Variants in DHRSX observed in about 807,000 individuals in gnomAD.
The protein encoded by DHRSX is polyprenol dehydrogenase.
DHRSX carries 31 observed loss-of-function variants against 34.0 expected under a neutral mutation model. That is an observed-to-expected ratio of 0.91 (90% CI 0.69 to 1.23). The LOEUF is 1.23. Among genes scored for constraint, DHRSX ranks in the 50% most tolerant of loss-of-function variants. The pLI, the probability that DHRSX is intolerant of heterozygous loss-of-function variation, is 0.00. For missense variants in DHRSX, 414 were observed against 428.1 expected (o/e 0.97, Z 0.29); for synonymous variants, 201 against 183.8 (o/e 1.09, Z -0.76).
chrX:2,421,770 G>A (rs1383154104), intron 2 of DHRSX, among the ~76,000 whole-genome samples: 2 of 152,208 alleles, frequency 1.3e-5, no homozygotes, highest in Non-Finnish European at 2.9e-5. Flanking sequence ...GGCTCAGAAC[G>A]CTAGCAGCTA....
chrX:2,485,736 G>C (rs1258131005), intron 1 of DHRSX, among the ~76,000 whole-genome samples: 1 of 77,006 alleles, frequency 1.3e-5, no homozygotes, highest in African/African-American at 6.9e-5. Flanking sequence ...AGGGAGAAAA[G>C]GGAGAGAAGG....
intron 1 of DHRSX, among the ~76,000 whole-genome samples, chrX:2,436,707 G>A (rs1180154192): frequency 6.6e-6 from 1 of 151,150 alleles, no homozygotes; most frequent in Non-Finnish European, 1.5e-5. Context: ...CCATTGTTCA[G>A]GCTGATCTCA....
intron 3 of DHRSX, among the ~76,000 whole-genome samples, chrX:2,327,908 A>G (rs2042406949): frequency 2.0e-5 from 3 of 152,032 alleles, no homozygotes; most frequent in South Asian, 4.2e-4. Context: ...GTGAAACTCC[A>G]TCTCTACTAA....
At chrX:2,238,349 C>T (rs2016063806) in intron 6 of DHRSX, among the ~76,000 whole-genome samples, 2 of 152,046 alleles carry the variant, frequency 1.3e-5, no homozygotes, top group Admixed American at 6.6e-5. Context: ...AGGGCGAGAC[C>T]CCATCTCAAA....
At chrX:2,427,793 T>A (rs2043868070) in intron 1 of DHRSX, among the ~76,000 whole-genome samples, 1 of 152,202 alleles carries the variant, frequency 6.6e-6, no homozygotes, top group Non-Finnish European at 1.5e-5. Flanking sequence ...ATGATCTTTT[T>A]CAAGTTAGGA....
At chrX:2,410,653 A>G (rs2124638612) in intron 2 of DHRSX, among the ~76,000 whole-genome samples, 1 of 152,346 alleles carries the variant, frequency 6.6e-6, no homozygotes, top group African/African-American at 2.4e-5. Flanking sequence ...TGTTAAGGCC[A>G]TGGGCTCCCA....
In DHRSX at chrX:2,220,718, T is replaced by G. The variant is rs2015501579; in HGVS notation, c.*323A>C. The G allele has an allele frequency of 3.1e-6, 1 of 324,786 alleles. No homozygotes were observed. The highest frequency in any genetic ancestry group is 5.6e-6 in the Non-Finnish European group (1 of 178,344). 20.1% of individuals were successfully genotyped at this position (324,786 alleles called of 1,614,324 possible). ...GAAAAGAGAGCATCTCTCTTGGAACTTTTGTACTCAGTTGTATTAACGCGG... is the reference window on the plus strand; with the variant it reads ...GAAAAGAGAGCATCTCTCTTGGAACGTTTGTACTCAGTTGTATTAACGCGG... On this transcript the variant is annotated 3_prime_UTR_variant, in exon 7 of 7. Transcript: ENST00000334651.
chrX:2,383,316 T>A (rs1304239547), intron 3 of DHRSX, among the ~76,000 whole-genome samples: 1 of 150,924 alleles, frequency 6.6e-6, no homozygotes, highest in Non-Finnish European at 1.5e-5. Flanking sequence ...ATAAACACCA[T>A]CATCACCATC....
chrX:2,288,043 T>C (rs779423736), intron 4 of DHRSX, among the ~76,000 whole-genome samples: 249 of 152,222 alleles, frequency 1.6e-3, no homozygotes, highest in African/African-American at 5.9e-3. Context: ...GAGGTGATTA[T>C]CTGAGATGAT....
chrX:2,468,962 A>G (rs6567559), intron 1 of DHRSX, among the ~76,000 whole-genome samples: 114,903 of 151,358 alleles, frequency 0.76, 44,586 homozygotes, highest in African/African-American at 0.94. Context: ...AGGGACCACC[A>G]CCATGTACAC....
At chrX:2,449,138 A>G (rs28430422) in intron 1 of DHRSX, among the ~76,000 whole-genome samples, 95,135 of 151,354 alleles carry the variant, frequency 0.63, 31,556 homozygotes, top group African/African-American at 0.85. Flanking sequence ...GCAGTGAGCT[A>G]AGATCGCACC....
At chrX:2,432,136 G>A (rs2043933801) in intron 1 of DHRSX, among the ~76,000 whole-genome samples, 1 of 152,096 alleles carries the variant, frequency 6.6e-6, no homozygotes, top group African/African-American at 2.4e-5. Flanking sequence ...GGAGCTTGCA[G>A]TGAGCTGAGA....
Position 2,314,395 on chromosome X carries a change from G to A in DHRSX, c.287-22792C>T, listed in dbSNP as rs1276628179. 8.7e-5 allele frequency among the ~76,000 whole-genome samples: 6 copies of A among 69,304 alleles called. 1 individual carries two copies. Among genetic ancestry groups the A allele is most frequent in the African/African-American group, 3.2e-4 (5 of 15,424 alleles). The allele number at this position is 69,304 out of a possible 152,430, so 45.5% of individuals were successfully genotyped here. ...GAGGGAAAGGAATGGAGGGAAGGAAGGAAGGGAAAGAAGGGAGGGAAGGAA... is the reference window on the plus strand; with the variant it reads ...GAGGGAAAGGAATGGAGGGAAGGAAAGAAGGGAAAGAAGGGAGGGAAGGAA... On this transcript the variant is annotated intron_variant, in intron 3 of 6. Transcript: ENST00000334651.
At chrX:2,468,644 A>T (rs377105867) in intron 1 of DHRSX, among the ~76,000 whole-genome samples, 1 of 143,400 alleles carries the variant, frequency 7.0e-6, no homozygotes, top group South Asian at 2.3e-4. Context: ...CACTGAAGAC[A>T]TTCCCTAAGA....
At chrX:2,374,023 CA>C (rs1013333331) in intron 3 of DHRSX, among the ~76,000 whole-genome samples, 3 of 152,056 alleles carry the variant, frequency 2.0e-5, no homozygotes, top group African/African-American at 7.2e-5. Context: ...GGAATGAGGA[CA>C]AAAAAAGACC....
intron 6 of DHRSX, among the ~76,000 whole-genome samples, chrX:2,236,124 T>A (rs746846708): frequency 1.8e-4 from 27 of 149,694 alleles, no homozygotes; most frequent in Admixed American, 4.7e-4. Flanking sequence ...AGAAAAAAAA[T>A]AAATAAATAA....
chrX:2,325,653 C>T (rs1227042379), intron 3 of DHRSX, among the ~76,000 whole-genome samples: 2 of 152,122 alleles, frequency 1.3e-5, no homozygotes, highest in East Asian at 1.9e-4. Context: ...CTACAAAGCC[C>T]ATTTGCATAA....
At chrX:2,292,335 C>T (rs1464111791) in intron 3 of DHRSX, among the ~76,000 whole-genome samples, 10 of 152,146 alleles carry the variant, frequency 6.6e-5, no homozygotes, top group Admixed American at 1.3e-4. Flanking sequence ...ATGTGAATTT[C>T]GAAGATCCTG....
intron 6 of DHRSX, among the ~76,000 whole-genome samples, chrX:2,234,748 T>C (rs2015974725): frequency 1.3e-5 from 2 of 152,268 alleles, no homozygotes; most frequent in African/African-American, 2.4e-5. Flanking sequence ...TCTCACTCTG[T>C]TGCCCAGGCT....
Sources: gnomAD v4.1 joint callset for allele counts (sites outside exome capture counted in the v4.1 genomes callset) on GRCh38, gnomAD v4.1.1 for gene constraint, MANE v1.5 for transcripts, NCBI Gene and HGNC (gene_info 2026-07-23, HGNC 2026-07-21) for gene names.